Variants in OPCML observed in about 807,000 individuals in gnomAD.
The protein encoded by OPCML is opioid-binding protein/cell adhesion molecule.
In OPCML, 13 loss-of-function variants were observed where a neutral mutation model predicts 37.8. The ratio of observed to expected loss-of-function variants is 0.34; its 90% confidence interval spans 0.22 to 0.55. OPCML has a LOEUF of 0.55. Among genes scored for constraint, OPCML ranks in the 20% least tolerant of loss-of-function variants. OPCML has a pLI of 0.91. For synonymous variants in OPCML, 176 were observed against 168.8 expected, an observed-to-expected ratio of 1.04 and a Z score of -0.33; for missense variants, 341 against 435.6, an observed-to-expected ratio of 0.78 and a Z score of 1.93.
chr11:133,352,096 A>G (rs1944153061), intron 1 of OPCML, among the ~76,000 whole-genome samples: 1 of 152,166 alleles, frequency 6.6e-6, no homozygotes, highest in Admixed American at 6.5e-5. Flanking sequence ...TCAATTCTTC[A>G]ACTATCACCG....
chr11:132,433,984 T>C (rs1254535112), intron 7 of OPCML, among the ~76,000 whole-genome samples: 1 of 152,202 alleles, frequency 6.6e-6, no homozygotes, highest in African/African-American at 2.4e-5. Flanking sequence ...ATACACTGGT[T>C]GTTGTTATCT....
intron 1 of OPCML, among the ~76,000 whole-genome samples, chr11:133,032,075 A>C (rs952384043): frequency 1.3e-5 from 2 of 152,194 alleles, no homozygotes; most frequent in Non-Finnish European, 2.9e-5. Context: ...GTGGATATCC[A>C]GTAGTTTAAT....
chr11:133,028,406 G>A (rs998112700), intron 1 of OPCML, among the ~76,000 whole-genome samples: 3 of 152,026 alleles, frequency 2.0e-5, no homozygotes, highest in African/African-American at 4.8e-5. Flanking sequence ...GAAACTTTCC[G>A]AGATAATTAT....
intron 1 of OPCML, among the ~76,000 whole-genome samples, chr11:133,239,306 T>C (rs540594816): frequency 6.6e-6 from 1 of 152,326 alleles, no homozygotes; most frequent in East Asian, 1.9e-4. Flanking sequence ...TGCAACAACC[T>C]TGGAAATGAA....
chr11:133,035,924 C>G (rs199957482), intron 1 of OPCML, among the ~76,000 whole-genome samples: 3 of 151,796 alleles, frequency 2.0e-5, no homozygotes, highest in East Asian at 3.9e-4. Flanking sequence ...AGAGAGGCCT[C>G]GGAGAAACCA....
intron 1 of OPCML, among the ~76,000 whole-genome samples, chr11:133,244,586 G>A (rs972644968): frequency 6.6e-6 from 1 of 152,162 alleles, no homozygotes; most frequent in East Asian, 1.9e-4. Flanking sequence ...GGGGCCTCGT[G>A]GGAGGGGAAT....
intron 1 of OPCML, among the ~76,000 whole-genome samples, chr11:133,478,965 T>C (rs967263455): frequency 6.6e-6 from 1 of 152,224 alleles, no homozygotes; most frequent in Admixed American, 6.5e-5. Flanking sequence ...CATTTTTCTC[T>C]TGGGCAAATC....
rs1221541573 is a variant in OPCML at position 133,234,263 on chromosome 11, CA to C, written c.62-291254del. Among the ~76,000 whole-genome samples, 273 of 148,266 alleles carry C rather than the reference CA, an allele frequency of 1.8e-3. 1 individual carries two copies. Among genetic ancestry groups the C allele is most frequent in the African/African-American group, 6.2e-3 (249 of 39,978 alleles). ...AAGCAAAACCAAACAACAACAACAA[CA>C]AAAAAAAAACACAGTTTTTACTTCT... On this transcript the variant is annotated intron_variant, in intron 1 of 7. Transcript: ENST00000524381.
At chr11:132,808,808 A>T (rs776048276) in intron 2 of OPCML, among the ~76,000 whole-genome samples, 3 of 152,190 alleles carry the variant, frequency 2.0e-5, no homozygotes, top group Non-Finnish European at 4.4e-5. Context: ...TGATTATCCT[A>T]TTAATAGGCT....
Position 132,682,727 on chromosome 11 carries a change from C to A in OPCML, c.147-25408G>T, listed in dbSNP as rs775272168. 9.3e-4 allele frequency among the ~76,000 whole-genome samples: 142 copies of A among 152,192 alleles called. 4 individuals carry two copies. Among genetic ancestry groups the A allele is most frequent in the Non-Finnish European group, 2.4e-4 (16 of 68,042 alleles). Reference sequence around the variant, plus strand: ...ACCGAGACCTGTGTAAAGGACCCATCTCAGCCATGAGTAAAAGTTGATCTC... The same window carrying A: ...ACCGAGACCTGTGTAAAGGACCCATATCAGCCATGAGTAAAAGTTGATCTC... On this transcript the variant is annotated intron_variant, in intron 2 of 7. Transcript: ENST00000524381.
chr11:132,784,593 C>T (rs548313321), intron 2 of OPCML, among the ~76,000 whole-genome samples: 1 of 152,236 alleles, frequency 6.6e-6, no homozygotes, highest in Non-Finnish European at 1.5e-5. Context: ...TTGTCCCCCC[C>T]ACCCCAATCT....
At chr11:133,031,338 G>T (rs1397459915) in intron 1 of OPCML, among the ~76,000 whole-genome samples, 4 of 151,996 alleles carry the variant, frequency 2.6e-5, no homozygotes, top group Non-Finnish European at 4.4e-5. Flanking sequence ...TGGATTGATG[G>T]GTGTATGAAT....
chr11:132,616,020 T>C (rs1301326667), intron 3 of OPCML, among the ~76,000 whole-genome samples: 1 of 152,176 alleles, frequency 6.6e-6, no homozygotes, highest in African/African-American at 2.4e-5. Flanking sequence ...ACTACCTGGT[T>C]TTCCCAACAC....
At chr11:132,469,417 G>A (rs1219537309) in intron 4 of OPCML, among the ~76,000 whole-genome samples, 3 of 151,406 alleles carry the variant, frequency 2.0e-5, no homozygotes, top group Non-Finnish European at 4.4e-5. Flanking sequence ...GGGGGTGCGT[G>A]TGTATGTGTG....
chr11:133,199,020 TAAGAG>T (rs1408432598), intron 1 of OPCML, among the ~76,000 whole-genome samples: 1 of 152,056 alleles, frequency 6.6e-6, no homozygotes, highest in East Asian at 1.9e-4. Context: ...ACATGATGGA[TAAGAG>T]AAGAGAAGGA....
rs548863240 is a variant in OPCML, at chr11:132,945,799, T to C, written c.62-2789A>G. On this transcript the variant is annotated intron_variant, in intron 1 of 7. Transcript: ENST00000524381. ...TCCACTCTTTTTTGTTTGTTTGTTT[T>C]TGAGACGGAGTCTCGCTCTGTCACC... 5.9e-5 allele frequency among the ~76,000 whole-genome samples: 9 copies of C among 152,350 alleles called. No homozygotes were observed. In the South Asian group the frequency reaches 1.9e-3, roughly 32 times the overall value.
At position 133,211,983 on chromosome 11, in the gene OPCML, G is replaced by A. The variant is rs574323889; in HGVS notation, c.62-268973C>T. Among the ~76,000 whole-genome samples, 17 of 152,260 alleles carry A rather than the reference G, an allele frequency of 1.1e-4. No homozygotes were observed. The highest frequency in any genetic ancestry group is 4.1e-4 in the African/African-American group (17 of 41,538). ...AGCCATGAACGCTGGGCTGTCAGAT[G>A]GCAAGCCTAGTGCATACAGCCTGAT... On this transcript the variant is annotated intron_variant, in intron 1 of 7. Transcript: ENST00000524381. The surrounding 1 kb of genome is among the most constrained non-coding windows in gnomAD (Gnocchi z 4.1).
rs375572737 is a variant in OPCML at position 133,140,186 on chromosome 11, C to CGAT, written c.62-197177_62-197176insATC. Among the ~76,000 whole-genome samples the CGAT allele has an allele frequency of 4.0e-5, 5 of 124,802 alleles. No homozygotes were observed. The Admixed American group carries it at 4.2e-4, about 11-fold the overall frequency. The allele number at this position is 124,802 out of a possible 152,430, so 81.9% of individuals were successfully genotyped here. A position where few individuals can be genotyped will look rare whatever the true frequency, so the allele number is the denominator to read the frequency against. On this transcript the variant is annotated intron_variant, in intron 1 of 7. Coordinates refer to ENST00000524381, the MANE Select transcript of OPCML (RefSeq NM_001012393.5). ...TGGGCGACAGAGTGAGACTCCGTCT[C>CGAT]AATAATAATAATAATAATAATAATA...
At chr11:132,821,550 A>G (rs1023371112) in intron 2 of OPCML, among the ~76,000 whole-genome samples, 3 of 152,216 alleles carry the variant, frequency 2.0e-5, no homozygotes, top group Non-Finnish European at 4.4e-5. Flanking sequence ...CTTGCCTCAA[A>G]TATCTTCATT....
Sources: gnomAD v4.1 joint callset for allele counts (sites outside exome capture counted in the v4.1 genomes callset) on GRCh38, gnomAD v4.1.1 for gene constraint, Gnocchi (gnomAD v3.1) non-coding constraint, MANE v1.5 for transcripts, NCBI Gene and HGNC (gene_info 2026-07-23, HGNC 2026-07-21) for gene names.